Variants in ACAA2 observed in about 807,000 individuals in gnomAD.
ACAA2 encodes acetyl-CoA acyltransferase 2.
ACAA2 carries 35 observed loss-of-function variants against 44.8 expected under a neutral mutation model. That is an observed-to-expected ratio of 0.78 (90% confidence interval 0.60 to 1.04). The LOEUF (loss-of-function observed/expected upper bound fraction) is 1.04, where lower values mean the gene tolerates loss of function less well. Ranked by LOEUF, ACAA2 falls within the 50% of genes least tolerant of loss-of-function variation. The pLI is 0.00. For synonymous variants in ACAA2, 142 were observed against 166.5 expected, an observed-to-expected ratio of 0.85 and a Z score of 1.13; for missense variants, 468 against 482.6, an observed-to-expected ratio of 0.97 and a Z score of 0.28.
At chr18:49,793,466 A>G (rs1374855342) in intron 5 of ACAA2, among the ~76,000 whole-genome samples, 1 of 152,260 alleles carries the variant, frequency 6.6e-6, no homozygotes, top group Non-Finnish European at 1.5e-5. Context: ...TGGTAGAAGT[A>G]GAAACAGAAC....
At chr18:49,803,996 C>T (rs941649221) in intron 1 of ACAA2, among the ~76,000 whole-genome samples, 19 of 151,690 alleles carry the variant, frequency 1.3e-4, no homozygotes, top group Non-Finnish European at 2.5e-4. Context: ...CTGCAACCTC[C>T]GCCTCCCGGG....
intron 1 of ACAA2, 172 bp from the exon 2 acceptor site, chr18:49,803,025 T>G: frequency 1.3e-6 from 1 of 756,354 alleles, no homozygotes; most frequent in Non-Finnish European, 2.3e-6. Flanking sequence ...TCTTAAGGAC[T>G]ACCAGTTTGA....
Position 49,787,272 on chromosome 18 carries a change from A to ACAAAAAAAAAAAC in ACAA2, c.954+18_954+19insGTTTTTTTTTTTG, listed in dbSNP as rs71169448. ...TTATTCATGTTGTTAAAAAAAAAAA[A>ACAAAAAAAAAAAC]AAAAAAAAAAACACTTACCTCTACC... On this transcript the variant is annotated intron_variant, in intron 8 of 9. Coordinates refer to ENST00000285093, the MANE Select transcript of ACAA2 (RefSeq NM_006111.3). 93 of 1,356,932 alleles carry ACAAAAAAAAAAAC rather than the reference A, an allele frequency of 6.9e-5. No individual in the cohort carries two copies. The highest frequency in any genetic ancestry group is 5.0e-4 in the Admixed American group (15 of 29,832). 84.1% of individuals were successfully genotyped at this position (1,356,932 alleles called of 1,614,324 possible). A position where few individuals can be genotyped will look rare whatever the true frequency, so the allele number is the denominator to read the frequency against.
At chr18:49,796,178 G>C (rs2067523934) in intron 3 of ACAA2, among the ~76,000 whole-genome samples, 1 of 152,112 alleles carries the variant, frequency 6.6e-6, no homozygotes, top group African/African-American at 2.4e-5. Context: ...AAAATCAACA[G>C]ATATTAATAC....
At chr18:49,787,162 A>AC in intron 8 of ACAA2, 129 bp downstream of exon 8, 1 of 660,562 alleles carries the variant, frequency 1.5e-6, no homozygotes. Context: ...ATTTAGATGT[A>AC]CATCATTTGG....
intron 1 of ACAA2, among the ~76,000 whole-genome samples, chr18:49,807,250 T>C (rs555538967): frequency 2.2e-4 from 34 of 152,200 alleles, no homozygotes; most frequent in African/African-American, 7.9e-4. Flanking sequence ...AAAAAATTAG[T>C]TGGGCATAGT....
At position 49,783,941 on chromosome 18, in the gene ACAA2, A is replaced by C. The variant is rs769942026; in HGVS notation, c.1110-10T>G. On this transcript the variant is annotated splice_polypyrimidine_tract_variant and intron_variant, in intron 9 of 9. Coordinates refer to ENST00000285093, the MANE Select transcript of ACAA2 (RefSeq NM_006111.3). ...TTTTCCACCTCGACGCCTGAAAAAG[A>C]AAGCAGTGACTGAAATCTACTCTAA... 1 of 1,613,006 alleles carries C rather than the reference A, an allele frequency of 6.2e-7. No homozygotes were observed. Among genetic ancestry groups the C allele is most frequent in the Non-Finnish European group, 8.5e-7 (1 of 1,179,066 alleles).
At position 49,792,139 on chromosome 18, in the gene ACAA2, T is replaced by C; in HGVS notation, c.753+13A>G. On this transcript the variant is annotated intron_variant, in intron 6 of 9. Coordinates refer to ENST00000285093, the MANE Select transcript of ACAA2 (RefSeq NM_006111.3). Reference sequence around the variant, plus strand: ...CAGGAAGAATTCAAGCTAATCTGTGTGGTGATACCAACCGATGCATTCCCT... The same window carrying C: ...CAGGAAGAATTCAAGCTAATCTGTGCGGTGATACCAACCGATGCATTCCCT... The C allele has an allele frequency of 6.2e-7, 1 of 1,607,712 alleles. No homozygotes were observed. Among genetic ancestry groups the C allele is most frequent in the Non-Finnish European group, 8.5e-7 (1 of 1,175,194 alleles).
At chr18:49,795,971 A>C in intron 3 of ACAA2, 90 bp from the exon 4 acceptor site, 1 of 806,528 alleles carries the variant, frequency 1.2e-6, no homozygotes, top group South Asian at 1.7e-5. Context: ...TTAATGGTAA[A>C]TCAAACAAAT....
chr18:49,804,499 C>G (rs1289610362), intron 1 of ACAA2, among the ~76,000 whole-genome samples: 1 of 152,162 alleles, frequency 6.6e-6, no homozygotes, highest in Non-Finnish European at 1.5e-5. Context: ...GTCCCCAAAC[C>G]TAGTGACTCT....
chr18:49,810,355 C>T lies in ACAA2; in HGVS notation c.16+3114G>A, dbSNP rs185712084. Among the ~76,000 whole-genome samples the T allele has an allele frequency of 7.6e-4, 116 of 152,200 alleles. 2 individuals are homozygous for T. Among genetic ancestry groups the T allele is most frequent in the South Asian group, 2.7e-3 (13 of 4,818 alleles). ...ATCCAGAAATAAAAATGACATATTG[C>T]ACACATGGAAATGACCCCTCACTTC... is the stretch of plus-strand genomic sequence containing the variant. On this transcript the variant is annotated intron_variant, in intron 1 of 9. Coordinates refer to ENST00000285093, the MANE Select transcript of ACAA2 (RefSeq NM_006111.3).
chr18:49,787,476 T>C (rs2023346963), intron 7 of ACAA2, 115 bp from the exon 8 acceptor site: 4 of 744,216 alleles, frequency 5.4e-6, no homozygotes, highest in Non-Finnish European at 7.9e-6. Flanking sequence ...CAGTTATTAG[T>C]AGCCACAAAT....
At chr18:49,802,926 C>CT in intron 1 of ACAA2, 73 bp from the exon 2 acceptor site, 1 of 1,503,930 alleles carries the variant, frequency 6.6e-7, no homozygotes. Context: ...AATAATCTCA[C>CT]TGTGAAACCT....
chr18:49,797,596 T>C lies in ACAA2; in HGVS notation c.184-2A>G, dbSNP rs1474592185. On this transcript the variant is annotated splice_acceptor_variant, in intron 2 of 9. Transcript: ENST00000285093. LOFTEE classifies it high-confidence loss of function. Reference sequence around the variant, plus strand: ...CAAATATATAGCATCTGAAGAACTCTAGAAGAGAGAAGGAAAAGAAAAATA... The same window carrying C: ...CAAATATATAGCATCTGAAGAACTCCAGAAGAGAGAAGGAAAAGAAAAATA... The C allele has an allele frequency of 5.0e-6, 8 of 1,585,750 alleles. No homozygotes were observed. Among genetic ancestry groups the C allele is most frequent in the African/African-American group, 1.4e-5 (1 of 72,882 alleles).
At chr18:49,785,036 G>A (rs998093448) in intron 9 of ACAA2, among the ~76,000 whole-genome samples, 161 bp downstream of exon 9, 5 of 152,178 alleles carry the variant, frequency 3.3e-5, no homozygotes, top group Non-Finnish European at 7.4e-5. Context: ...TCATCTATGA[G>A]ACCAGATGAA....
intron 1 of ACAA2, among the ~76,000 whole-genome samples, chr18:49,811,123 A>C (rs2023665230): frequency 6.6e-6 from 1 of 151,830 alleles, no homozygotes; most frequent in East Asian, 1.9e-4. Context: ...GAGGCTAAAA[A>C]TTTCCCAAAA....
At chr18:49,789,533 G>C (rs930470194) in intron 7 of ACAA2, among the ~76,000 whole-genome samples, 4 of 152,124 alleles carry the variant, frequency 2.6e-5, no homozygotes, top group Non-Finnish European at 1.5e-5. Context: ...GGAACAGAAG[G>C]AAGGAAAACA....
At chr18:49,784,612 A>G (rs1452436500) in intron 9 of ACAA2, among the ~76,000 whole-genome samples, 1 of 152,188 alleles carries the variant, frequency 6.6e-6, no homozygotes, top group Non-Finnish European at 1.5e-5. Context: ...GTAATTTTTC[A>G]GCCTGACTTA....
chr18:49,796,019 T>A, intron 3 of ACAA2, 138 bp from the exon 4 acceptor site: 1 of 571,874 alleles, frequency 1.7e-6, no homozygotes, highest in South Asian at 2.6e-5. Flanking sequence ...AAGGAAATGC[T>A]TTTAAAGTAA....
Sources: allele counts gnomAD v4.1 joint callset (sites outside exome capture counted in the v4.1 genomes callset), GRCh38; gene constraint gnomAD v4.1.1; transcripts MANE v1.5; gene names NCBI Gene and HGNC (gene_info 2026-07-23, HGNC 2026-07-21).